The following KAZN variants were observed in gnomAD, a reference collection of about 807,000 sequenced individuals.
KAZN encodes the protein kazrin, periplakin interacting protein.
KAZN carries 40 observed loss-of-function variants against 87.4 expected under a neutral mutation model. The observed-to-expected ratio is 0.46, with a 90% CI of 0.36 to 0.60. The LOEUF is 0.60. Ranked by LOEUF, KAZN falls within the 20% of genes least tolerant of loss-of-function variation. The probability of loss-of-function intolerance (pLI) is 0.00; values close to 1 mark genes in which losing one functional copy is unlikely to be tolerated. For synonymous variants in KAZN, 466 were observed against 458.3 expected, an observed-to-expected ratio of 1.02 and a Z score of -0.22; for missense variants, 898 against 1,073.9, an observed-to-expected ratio of 0.84 and a Z score of 2.29.
chr1:14,156,912 T>TTC (rs200584871), intron 1 of KAZN, among the ~76,000 whole-genome samples: 3,157 of 131,962 alleles, frequency 0.024, 50 homozygotes, highest in Non-Finnish European at 0.036. Flanking sequence ...GGTCTTTTGT[T>TTC]TTTTTTTTTT....
At chr1:14,042,708 T>A (rs1052861305) in intron 1 of KAZN, among the ~76,000 whole-genome samples, 3 of 152,180 alleles carry the variant, frequency 2.0e-5, no homozygotes, top group Non-Finnish European at 4.4e-5. Flanking sequence ...CATTTTGCCA[T>A]CTTGGAACTG....
At chr1:14,214,998 G>C (rs996460351) in intron 2 of KAZN, among the ~76,000 whole-genome samples, 2 of 152,186 alleles carry the variant, frequency 1.3e-5, no homozygotes, top group Non-Finnish European at 2.9e-5. Flanking sequence ...AATAGCTTTA[G>C]GCTATGCAAC....
intron 1 of KAZN, among the ~76,000 whole-genome samples, chr1:14,138,961 G>C (rs140060038): frequency 6.6e-6 from 1 of 152,314 alleles, no homozygotes; most frequent in East Asian, 1.9e-4. Flanking sequence ...TGGATTCAAA[G>C]AGGCATGGCC....
chr1:14,132,811 C>T (rs972092938), intron 1 of KAZN, among the ~76,000 whole-genome samples: 2 of 152,090 alleles, frequency 1.3e-5, no homozygotes, highest in African/African-American at 2.4e-5. Flanking sequence ...TTTCTCTAAT[C>T]CAGTATGGGT....
intron 2 of KAZN, among the ~76,000 whole-genome samples, chr1:14,282,436 C>G (rs1378345370): frequency 6.6e-6 from 1 of 152,180 alleles, no homozygotes; most frequent in Non-Finnish European, 1.5e-5. Context: ...TCTTCTAGAC[C>G]CTTTGTGCCC....
chr1:14,545,432 G>A (rs924173816), intron 2 of KAZN, among the ~76,000 whole-genome samples: 6 of 152,094 alleles, frequency 3.9e-5, no homozygotes, highest in Admixed American at 6.5e-5. Context: ...CCACATGCCC[G>A]CTCCATGACC....
chr1:15,092,132 A>C (rs1640575814), intron 8 of KAZN, among the ~76,000 whole-genome samples: 1 of 135,886 alleles, frequency 7.4e-6, no homozygotes, highest in African/African-American at 2.9e-5. Context: ...GCTGGAGTGC[A>C]ATGGCGCAAT....
chr1:14,456,946 G>A (rs1667597141), intron 2 of KAZN, among the ~76,000 whole-genome samples: 1 of 152,146 alleles, frequency 6.6e-6, no homozygotes, highest in Non-Finnish European at 1.5e-5. Flanking sequence ...TGGGCCTGGT[G>A]GTGTGTGCCT....
At chr1:14,397,677 T>G (rs1047431324) in intron 2 of KAZN, among the ~76,000 whole-genome samples, 1 of 151,494 alleles carries the variant, frequency 6.6e-6, no homozygotes, top group African/African-American at 2.4e-5. Context: ...GCCAATATGG[T>G]GAAACCCCAT....
At position 14,407,279 on chromosome 1, in the gene KAZN, T is replaced by C. The variant is rs538579117; in HGVS notation, c.250-191704T>C. ...ACCTGGGAGAGGACTTGCTGGGTCATAGGATAGACAAGTATTTAATTTTAT... is the reference window on the plus strand; with the variant it reads ...ACCTGGGAGAGGACTTGCTGGGTCACAGGATAGACAAGTATTTAATTTTAT... On this transcript the variant is annotated intron_variant, in intron 2 of 16. Coordinates refer to the KAZN transcript ENST00000636203. Among the ~76,000 whole-genome samples the C allele has an allele frequency of 2.6e-5, 4 of 152,316 alleles. No individual in the cohort carries two copies. In the South Asian group the frequency reaches 8.3e-4, roughly 32 times the overall value.
At chr1:14,616,036 G>A (rs1306365318) in intron 1 of KAZN, among the ~76,000 whole-genome samples, 1 of 152,192 alleles carries the variant, frequency 6.6e-6, no homozygotes, top group East Asian at 1.9e-4. Context: ...CTGGGGTGGA[G>A]AGAAGGTGGC....
intron 1 of KAZN, among the ~76,000 whole-genome samples, chr1:14,950,725 A>G (rs1436604882): frequency 1.3e-5 from 2 of 151,972 alleles, no homozygotes; most frequent in South Asian, 2.1e-4. Context: ...AAGACTCCCA[A>G]CCCCACTCAG....
intron 13 of KAZN, among the ~76,000 whole-genome samples, chr1:15,106,727 C>G (rs978756725): frequency 2.6e-5 from 4 of 152,120 alleles, no homozygotes. Flanking sequence ...TCTCTTCCCA[C>G]AACTTTGACA....
At chr1:15,097,380 C>T (rs1557796225) in intron 10 of KAZN, among the ~76,000 whole-genome samples, 2 of 151,944 alleles carry the variant, frequency 1.3e-5, no homozygotes, top group South Asian at 2.1e-4. Flanking sequence ...GGCATGATGG[C>T]GTCCTCTCTG....
chr1:15,011,710 C>T (rs917007097), intron 2 of KAZN, among the ~76,000 whole-genome samples: 14 of 152,192 alleles, frequency 9.2e-5, no homozygotes, highest in African/African-American at 3.4e-4. Context: ...AAAGCATAGA[C>T]CTTACTCTCT....
intron 2 of KAZN, among the ~76,000 whole-genome samples, chr1:14,219,383 A>G (rs1002465935): frequency 1.3e-5 from 2 of 152,144 alleles, no homozygotes; most frequent in Admixed American, 6.6e-5. Flanking sequence ...TGACCTTATA[A>G]TAGTTTATTA....
rs138222159 is a variant in KAZN, at chr1:14,821,364, C to G, written c.227-139320C>G. 1.9e-3 allele frequency among the ~76,000 whole-genome samples: 288 copies of G among 151,254 alleles called. 8 individuals are homozygous for G. The East Asian group carries it at 0.043, about 22-fold the overall frequency. ...CCCTGTCTCTACTAAAAATACAAAACAAATTAGCCAGGTGTTGTGGCAGGC... is the reference window on the plus strand; with the variant it reads ...CCCTGTCTCTACTAAAAATACAAAAGAAATTAGCCAGGTGTTGTGGCAGGC... On this transcript the variant is annotated intron_variant, in intron 1 of 14. Coordinates refer to ENST00000376030, the MANE Select transcript of KAZN (RefSeq NM_201628.3).
chr1:14,578,463 C>T (rs1675329536), intron 2 of KAZN, among the ~76,000 whole-genome samples: 1 of 151,742 alleles, frequency 6.6e-6, no homozygotes, highest in Non-Finnish European at 1.5e-5. Flanking sequence ...AAGTGATACA[C>T]AAGAAGATAA....
intron 1 of KAZN, among the ~76,000 whole-genome samples, chr1:14,626,659 G>A (rs912264645): frequency 3.3e-5 from 5 of 152,140 alleles, no homozygotes; most frequent in East Asian, 3.9e-4. Context: ...ACACCACCTC[G>A]GTGGTTCTCT....
Sources: allele counts gnomAD v4.1 joint callset (sites outside exome capture counted in the v4.1 genomes callset), GRCh38; gene constraint gnomAD v4.1.1; transcripts MANE v1.5; gene names NCBI Gene and HGNC (gene_info 2026-07-23, HGNC 2026-07-21).